Variants in TUSC3 observed in about 807,000 individuals in gnomAD.
TUSC3 encodes dolichyl-diphosphooligosaccharide--protein glycosyltransferase subunit TUSC3.
In TUSC3, 45 loss-of-function variants were observed where a neutral mutation model predicts 44.8. The ratio of observed to expected loss-of-function variants is 1.00; its 90% CI spans 0.79 to 1.29. The LOEUF (loss-of-function observed/expected upper bound fraction) is 1.29. Among genes scored for constraint, TUSC3 ranks in the 50% most tolerant of loss-of-function variants. The pLI is 0.00. For synonymous variants in TUSC3, 212 were observed against 152.9 expected (o/e 1.39, Z -2.85); for missense variants, 519 against 437.9 (o/e 1.19, Z -1.65).
At position 15,689,359 on chromosome 8, in the gene TUSC3, C is replaced by T. The variant is rs994263937; in HGVS notation, c.798+15523C>T. 2.0e-4 allele frequency: 49 copies of T among 243,156 alleles called. 1 individual carries two copies. Among genetic ancestry groups the T allele is most frequent in the South Asian group, 1.2e-3 (26 of 21,038 alleles). The allele number at this position is 243,156 out of a possible 1,614,324, so 15.1% of individuals were successfully genotyped here. ...AACAGCATCTGGACTCCCAGCTGTT[C>T]ACCTTGTGGCTGGGGCCTGGGGGTG... On this transcript the variant is annotated intron_variant, in intron 6 of 10. Coordinates refer to ENST00000503731, the MANE Select transcript of TUSC3 (RefSeq NM_006765.4).
Position 15,758,334 on chromosome 8 carries a change from T to C in TUSC3, c.*46+479T>C, listed in dbSNP as rs3789009. 4.2e-4 allele frequency: 298 copies of C among 718,028 alleles called. 2 individuals carry two copies. In the East Asian group the frequency reaches 0.015, roughly 36 times the overall value. The allele number at this position is 718,028 out of a possible 1,614,324, so 44.5% of individuals were successfully genotyped here. On this transcript the variant is annotated intron_variant, in intron 10 of 10. Coordinates refer to ENST00000503731, the MANE Select transcript of TUSC3 (RefSeq NM_006765.4). ...AACATTTGCTAAATTCAGAAACAGA[T>C]AGTAGGTACTTTATTTATATATATA...
intron 6 of TUSC3, among the ~76,000 whole-genome samples, chr8:15,722,372 TGAA>T (rs1810335534): frequency 1.3e-5 from 2 of 151,994 alleles, no homozygotes; most frequent in African/African-American, 4.8e-5. Context: ...TAACTTTTTA[TGAA>T]GAAGGGACTG....
chr8:15,438,741 A>G (rs929153659), intron 1 of TUSC3, among the ~76,000 whole-genome samples: 1 of 152,318 alleles, frequency 6.6e-6, no homozygotes, highest in African/African-American at 2.4e-5. Flanking sequence ...ATTTAGTGCA[A>G]TTCTCAAATT....
chr8:15,785,480 C>T, the TUSC3 span, among the ~76,000 whole-genome samples: 2 of 150,390 alleles, frequency 1.3e-5, no homozygotes, highest in Non-Finnish European at 3.0e-5. Flanking sequence ...ATTCAGTCAC[C>T]ATTTAACCTT....
intron 3 of TUSC3, among the ~76,000 whole-genome samples, chr8:15,657,747 T>G (rs1807237727): frequency 6.6e-6 from 1 of 152,150 alleles, no homozygotes; most frequent in African/African-American, 2.4e-5. Flanking sequence ...TTTCCAGGTA[T>G]TTGTTGTAGC....
At chr8:15,727,401 T>A (rs1810540030) in intron 6 of TUSC3, among the ~76,000 whole-genome samples, 1 of 152,166 alleles carries the variant, frequency 6.6e-6, no homozygotes, top group Non-Finnish European at 1.5e-5. Flanking sequence ...TAGCTGTAAT[T>A]TGTGTAATTT....
the TUSC3 span, among the ~76,000 whole-genome samples, chr8:15,771,692 CCT>C: frequency 6.6e-6 from 1 of 151,974 alleles, no homozygotes; most frequent in East Asian, 1.9e-4. Flanking sequence ...TTAGAAAACA[CCT>C]GAAGACAAAT....
intron 2 of TUSC3, among the ~76,000 whole-genome samples, chr8:15,519,535 C>T (rs748738439): frequency 6.6e-6 from 1 of 152,054 alleles, no homozygotes; most frequent in Admixed American, 6.6e-5. Context: ...GACCTGGGCT[C>T]CTCCTCCTAG....
chr8:15,633,596 C>T (rs1299737074), intron 2 of TUSC3, among the ~76,000 whole-genome samples: 2 of 152,080 alleles, frequency 1.3e-5, no homozygotes, highest in East Asian at 1.9e-4. Flanking sequence ...AATTTTTTTA[C>T]TAAATTCTAT....
At chr8:15,467,276 C>G (rs1014167361) in intron 1 of TUSC3, among the ~76,000 whole-genome samples, 3 of 119,998 alleles carry the variant, frequency 2.5e-5, no homozygotes, top group African/African-American at 9.9e-5. Context: ...AGTTCTTTAG[C>G]CAAAAAAAAA....
intron 1 of TUSC3, among the ~76,000 whole-genome samples, chr8:15,437,570 G>A (rs886957506): frequency 6.6e-6 from 1 of 152,184 alleles, no homozygotes; most frequent in African/African-American, 2.4e-5. Flanking sequence ...TTAAGAAACT[G>A]TAGTGCAGAT....
intron 1 of TUSC3, among the ~76,000 whole-genome samples, chr8:15,446,819 C>G (rs1398668758): frequency 1.4e-5 from 2 of 146,970 alleles, no homozygotes; most frequent in African/African-American, 5.1e-5. Context: ...AAGACATGGC[C>G]TCTTTAAAGG....
chr8:15,540,117 C>G (rs1034621820), upstream of TUSC3: 5 of 335,288 alleles, frequency 1.5e-5, no homozygotes, highest in African/African-American at 1.1e-4. Context: ...AAGGACCACT[C>G]CTCTCCTCAG....
chr8:15,525,511 A>T lies in TUSC3; in HGVS notation n.189+42028A>T, dbSNP rs191564433. The stretch of plus-strand genomic sequence containing the variant: ...CTCAGTTTTAATGTATAATATGGCA[A>T]ATACTGATAGGTATGTCTCACATAA... On this transcript the variant is annotated intron_variant and non_coding_transcript_variant, in intron 2 of 5. Coordinates refer to the TUSC3 transcript ENST00000503191. Among the ~76,000 whole-genome samples the T allele has an allele frequency of 1.4e-4, 22 of 152,344 alleles. No homozygotes were observed. The South Asian group carries it at 2.7e-3, about 19-fold the overall frequency.
intron 1 of TUSC3, among the ~76,000 whole-genome samples, chr8:15,419,740 A>G (rs1356938250): frequency 6.6e-6 from 1 of 152,196 alleles, no homozygotes; most frequent in Non-Finnish European, 1.5e-5. Context: ...CTTTGGCATA[A>G]ACTAAGTCTC....
At chr8:15,709,791 C>T (rs1490192635) in intron 6 of TUSC3, among the ~76,000 whole-genome samples, 1 of 151,876 alleles carries the variant, frequency 6.6e-6, no homozygotes, top group African/African-American at 2.4e-5. Flanking sequence ...TAGGGTTCCA[C>T]TGCAACTAGA....
intron 2 of TUSC3, among the ~76,000 whole-genome samples, chr8:15,500,848 C>T (rs1800952484): frequency 6.6e-6 from 1 of 152,284 alleles, no homozygotes; most frequent in South Asian, 2.1e-4. Context: ...GAAAGAATCT[C>T]AGTTTTCTTT....
chr8:15,585,610 C>T (rs1045322885), intron 1 of TUSC3, among the ~76,000 whole-genome samples: 1 of 152,086 alleles, frequency 6.6e-6, no homozygotes, highest in Admixed American at 6.5e-5. Context: ...TCCTAATGTG[C>T]CTGTGGGCCC....
chr8:15,764,418 A>T lies in TUSC3; in HGVS notation c.*262A>T, dbSNP rs1381380427. The T allele has an allele frequency of 7.4e-6, 4 of 540,622 alleles. No homozygotes were observed. The highest frequency in any genetic ancestry group is 3.3e-5 in the Admixed American group (1 of 30,442). 33.5% of individuals were successfully genotyped at this position (540,622 alleles called of 1,614,324 possible). A position where few individuals can be genotyped will look rare whatever the true frequency, so the allele number is the denominator to read the frequency against. On this transcript the variant is annotated 3_prime_UTR_variant, in exon 11 of 11. Transcript: ENST00000503731. ...TAGTAATCTACAAAGGAAATATCAA[A>T]GTGTTTTTCAAGCCTGTTATATTCA...
Sources: allele counts gnomAD v4.1 joint callset (sites outside exome capture counted in the v4.1 genomes callset), GRCh38; gene constraint gnomAD v4.1.1; transcripts MANE v1.5; gene names NCBI Gene and HGNC (gene_info 2026-07-23, HGNC 2026-07-21).